Variants in DRC8 observed in about 807,000 individuals in gnomAD.
DRC8 encodes the protein dynein regulatory complex subunit 8, also known as dynein regulatory complex protein 8.
At chr1:245,059,268 G>T in the DRC8 span, 1 of 665,862 alleles carries the variant, frequency 1.5e-6, no homozygotes, top group Non-Finnish European at 2.6e-6. Flanking sequence ...ATAATCATGA[G>T]GCAATATCGG....
chr1:245,006,058 T>C, the DRC8 span, among the ~76,000 whole-genome samples: 2 of 152,176 alleles, frequency 1.3e-5, no homozygotes, highest in East Asian at 1.9e-4. Flanking sequence ...ATTTTTGAGA[T>C]AGGTAGGAGC....
chr1:245,117,783 A>G, the DRC8 span, among the ~76,000 whole-genome samples: 1 of 152,126 alleles, frequency 6.6e-6, no homozygotes, highest in African/African-American at 2.4e-5. Flanking sequence ...AGCCTGGCCA[A>G]CGTGGCAAAA....
At chr1:245,123,121 A>C in the DRC8 span, 1 of 152,172 alleles carries the variant, frequency 6.6e-6, no homozygotes, top group African/African-American at 2.4e-5. This position sits in a 1 kb window ranked among gnomAD's most constrained non-coding sequence, Gnocchi z 5.0. Context: ...TTTTTATTTG[A>C]GGCAAGGAGA....
the DRC8 span, among the ~76,000 whole-genome samples, chr1:244,998,545 C>A: frequency 1.3e-5 from 2 of 152,120 alleles, no homozygotes; most frequent in Non-Finnish European, 2.9e-5. Flanking sequence ...TGGATCTTAC[C>A]AAGATGTCTA....
chr1:245,087,093 A>G, the DRC8 span: 3 of 1,120,600 alleles, frequency 2.7e-6, no homozygotes, highest in Non-Finnish European at 1.3e-6. Context: ...GAACCTCTGG[A>G]CTGTCGTGAT....
chr1:245,081,117 T>A, the DRC8 span, among the ~76,000 whole-genome samples: 1 of 150,050 alleles, frequency 6.7e-6, no homozygotes, highest in African/African-American at 2.4e-5. Context: ...TTTTTATTTT[T>A]ATTTTATTTT....
the DRC8 span, among the ~76,000 whole-genome samples, chr1:244,976,502 G>T: frequency 3.9e-5 from 6 of 152,248 alleles, no homozygotes; most frequent in South Asian, 1.2e-3. Flanking sequence ...AAACTGGACT[G>T]AAATTTGTTT....
chr1:245,070,959 C>T, the DRC8 span, among the ~76,000 whole-genome samples: 1 of 152,220 alleles, frequency 6.6e-6, no homozygotes, highest in East Asian at 1.9e-4. Context: ...TGCTCATCCC[C>T]TCTGGGGGCC....
At chr1:245,098,651 C>T in the DRC8 span, among the ~76,000 whole-genome samples, 1 of 152,170 alleles carries the variant, frequency 6.6e-6, no homozygotes, top group East Asian at 1.9e-4. Flanking sequence ...GTGGTAGCGC[C>T]GCGTTTTTCA....
chr1:245,002,433 A>G, the DRC8 span, among the ~76,000 whole-genome samples: 1 of 152,226 alleles, frequency 6.6e-6, no homozygotes, highest in African/African-American at 2.4e-5. Context: ...TACTAAAAAA[A>G]CTTGAGCCTA....
At chr1:245,117,579 A>G in the DRC8 span, among the ~76,000 whole-genome samples, 7 of 151,440 alleles carry the variant, frequency 4.6e-5, no homozygotes. Context: ...GTGCACCACC[A>G]TGCCCAGCTA....
the DRC8 span, among the ~76,000 whole-genome samples, chr1:245,089,466 A>G: frequency 6.6e-6 from 1 of 152,130 alleles, no homozygotes; most frequent in Non-Finnish European, 1.5e-5. This position sits in a 1 kb window ranked among gnomAD's most constrained non-coding sequence, Gnocchi z 4.8. Flanking sequence ...AAGCCTGAGA[A>G]GAGGGAAAGC....
the DRC8 span, among the ~76,000 whole-genome samples, chr1:245,009,783 A>G: frequency 1.3e-5 from 2 of 151,824 alleles, no homozygotes; most frequent in Non-Finnish European, 2.9e-5. Flanking sequence ...ATGATTTTTT[A>G]ATCCAGTTGA....
chr1:245,087,524 A>C, the DRC8 span: 1 of 1,348,492 alleles, frequency 7.4e-7, no homozygotes, highest in Non-Finnish European at 9.5e-7. Context: ...ACTTTAAACC[A>C]AATTTAGTAT....
the DRC8 span, among the ~76,000 whole-genome samples, chr1:245,057,639 C>CT: frequency 0.5 from 71,734 of 144,420 alleles, 17,815 homozygotes; most frequent in African/African-American, 0.57. Flanking sequence ...CTTCAAAAAT[C>CT]TTTTTTTTTT....
At chr1:245,031,028 T>G in the DRC8 span, among the ~76,000 whole-genome samples, 6 of 152,174 alleles carry the variant, frequency 3.9e-5, no homozygotes, top group Non-Finnish European at 7.4e-5. Context: ...ACCTATACAT[T>G]CAGAAACTCT....
chr1:245,010,970 C>T, the DRC8 span, among the ~76,000 whole-genome samples: 3,554 of 152,112 alleles, frequency 0.023, 152 homozygotes, highest in African/African-American at 0.082. Flanking sequence ...TGTGAGCCAC[C>T]GCGCCCAGCC....
chr1:245,053,487 G>A, the DRC8 span, among the ~76,000 whole-genome samples: 3 of 152,174 alleles, frequency 2.0e-5, no homozygotes, highest in African/African-American at 7.2e-5. Flanking sequence ...TTCCATAAGA[G>A]GAAGGAACCT....
the DRC8 span, among the ~76,000 whole-genome samples, chr1:245,056,217 C>G: frequency 6.6e-6 from 1 of 152,182 alleles, no homozygotes; most frequent in Non-Finnish European, 1.5e-5. Context: ...AATACTGTAC[C>G]CAAGGTAGAC....
Sources: allele counts gnomAD v4.1 joint callset (sites outside exome capture counted in the v4.1 genomes callset), GRCh38; gene constraint gnomAD v4.1.1; non-coding constraint Gnocchi (gnomAD v3.1); transcripts MANE v1.5; gene names NCBI Gene and HGNC (gene_info 2026-07-23, HGNC 2026-07-21).